Variants in ESRRG observed in about 807,000 individuals in gnomAD.
ESRRG encodes estrogen-related receptor gamma.
A neutral mutation model predicts 44.0 loss-of-function variants in ESRRG; 13 were observed. The ratio of observed to expected loss-of-function variants is 0.30; its 90% CI spans 0.19 to 0.47. The LOEUF is 0.47. ESRRG is among the 20% of genes least tolerant of loss of function. The probability of loss-of-function intolerance (pLI) is 1.00; values close to 1 mark genes in which losing one functional copy is unlikely to be tolerated. For missense variants in ESRRG, 395 were observed against 580.6 expected (o/e 0.68, Z 3.29); for synonymous variants, 215 against 214.6 (o/e 1.00, Z -0.02).
intron 2 of ESRRG, among the ~76,000 whole-genome samples, chr1:216,852,341 G>A (rs1187932037): frequency 6.6e-6 from 1 of 152,128 alleles, no homozygotes; most frequent in Non-Finnish European, 1.5e-5. Context: ...CACAACCAAG[G>A]TGAGCAGGAC....
intron 5 of ESRRG, among the ~76,000 whole-genome samples, chr1:216,556,092 A>G (rs10863252): frequency 0.21 from 32,130 of 152,088 alleles, 4,421 homozygotes; most frequent in Non-Finnish European, 0.3. Flanking sequence ...TATGAATTAT[A>G]CTAATTATGC....
chr1:217,089,360 CTT>C (rs34432067), intron 1 of ESRRG: 4,604 of 141,116 alleles, frequency 0.033, 205 homozygotes, highest in African/African-American at 0.11. Flanking sequence ...GGAGGGGTTG[CTT>C]TTTTTTTTTT....
At chr1:216,579,237 C>A (rs1367229555) in intron 3 of ESRRG, among the ~76,000 whole-genome samples, 1 of 152,076 alleles carries the variant, frequency 6.6e-6, no homozygotes, top group East Asian at 1.9e-4. Context: ...GGATTACAAG[C>A]TAAATATTCA....
chr1:216,735,549 C>T (rs1346487233), intron 2 of ESRRG, among the ~76,000 whole-genome samples: 1 of 152,090 alleles, frequency 6.6e-6, no homozygotes, highest in African/African-American at 2.4e-5. Context: ...ATGGCAAATC[C>T]CTGCCCTGCC....
chr1:216,534,365 T>C (rs1022976030), intron 5 of ESRRG, among the ~76,000 whole-genome samples: 1 of 152,148 alleles, frequency 6.6e-6, no homozygotes, highest in South Asian at 2.1e-4. Context: ...CTAATGTCTA[T>C]TTCAGTAGTG....
chr1:216,834,811 T>C (rs1008973589), intron 2 of ESRRG, among the ~76,000 whole-genome samples: 14 of 152,092 alleles, frequency 9.2e-5, no homozygotes, highest in African/African-American at 3.4e-4. Context: ...CAGGCATAGA[T>C]AGGCTCATGA....
rs536283513 is a variant in ESRRG, at chr1:216,908,629, G to A, written c.-14+30953C>T. ...TAGATTATACCATATGTCTTTGTGA[G>A]AGTCCCCTCAAATCATCTTGGAGTA... On this transcript the variant is annotated intron_variant, in intron 2 of 7. Transcript: ENST00000359162. Among the ~76,000 whole-genome samples the A allele has an allele frequency of 6.5e-4, 99 of 152,168 alleles. 1 individual carries two copies. Among genetic ancestry groups the A allele is most frequent in the African/African-American group, 2.3e-3 (97 of 41,510 alleles).
At chr1:216,837,767 T>C (rs866250554) in intron 2 of ESRRG, among the ~76,000 whole-genome samples, 11 of 152,320 alleles carry the variant, frequency 7.2e-5, no homozygotes, top group African/African-American at 2.6e-4. Flanking sequence ...TGTGGGGAGC[T>C]GTCTTTTGTA....
intron 2 of ESRRG, among the ~76,000 whole-genome samples, chr1:216,886,946 C>T (rs969097785): frequency 6.6e-6 from 1 of 152,104 alleles, no homozygotes; most frequent in East Asian, 1.9e-4. Context: ...CTATGTTGCC[C>T]AGGCTGGTCT....
intron 2 of ESRRG, among the ~76,000 whole-genome samples, chr1:216,773,756 G>C (rs1360351883): frequency 6.6e-6 from 1 of 152,056 alleles, no homozygotes; most frequent in African/African-American, 2.4e-5. Context: ...GGCTACAACA[G>C]ATAAGATGAA....
intron 1 of ESRRG, among the ~76,000 whole-genome samples, chr1:217,002,722 G>C (rs2150676684): frequency 6.6e-6 from 1 of 152,250 alleles, no homozygotes; most frequent in East Asian, 1.9e-4. Flanking sequence ...AACAGCCATT[G>C]TGCCATAAGG....
At chr1:216,608,858 C>T (rs1037705334) in intron 3 of ESRRG, among the ~76,000 whole-genome samples, 4 of 152,184 alleles carry the variant, frequency 2.6e-5, no homozygotes, top group African/African-American at 9.6e-5. Context: ...GTTCACAAAA[C>T]ACCTCTGAAA....
At chr1:216,779,038 G>C (rs1050067380) in intron 2 of ESRRG, among the ~76,000 whole-genome samples, 1 of 145,472 alleles carries the variant, frequency 6.9e-6, no homozygotes, top group African/African-American at 2.6e-5. Context: ...GAACTGTAAA[G>C]ATCCCTTCCT....
chr1:216,773,236 G>GAAGATTGGAATTAT (rs1187265349), intron 2 of ESRRG, among the ~76,000 whole-genome samples: 1 of 152,110 alleles, frequency 6.6e-6, no homozygotes, highest in Non-Finnish European at 1.5e-5. Flanking sequence ...ATTGGAATTA[G>GAAGATTGGAATTAT]AAAATTGGAT....
chr1:216,692,528 A>T (rs537141391), intron 1 of ESRRG, among the ~76,000 whole-genome samples: 1 of 152,324 alleles, frequency 6.6e-6, no homozygotes, highest in South Asian at 2.1e-4. Flanking sequence ...TAAAATCAAA[A>T]AGTTACAGTA....
At chr1:216,617,403 A>C (rs2061561363) in intron 3 of ESRRG, among the ~76,000 whole-genome samples, 1 of 152,130 alleles carries the variant, frequency 6.6e-6, no homozygotes, top group Admixed American at 6.6e-5. Context: ...CTACATAAAT[A>C]GCAGCAGCAA....
chr1:216,528,065 C>A (rs774195179), intron 5 of ESRRG, among the ~76,000 whole-genome samples: 1 of 152,118 alleles, frequency 6.6e-6, no homozygotes, highest in Non-Finnish European at 1.5e-5. Context: ...AATTCCTCAA[C>A]AGCTCATTGA....
rs757174404 is a variant in ESRRG, at chr1:216,507,095, G to A, written c.1221C>T (p.His407=). 1.2e-6 allele frequency: 2 copies of A among 1,613,928 alleles called. No homozygotes were observed. Among genetic ancestry groups the A allele is most frequent in the East Asian group, 4.5e-5 (2 of 44,886 alleles). Reference sequence around the variant, plus strand: ...TGCCAGCTCGACGAGGGTCTTCCATGTGCTGGCCAGCTTCATAATCCTGCA... The same window carrying A: ...TGCCAGCTCGACGAGGGTCTTCCATATGCTGGCCAGCTTCATAATCCTGCA... The part of the protein sequence containing the change: ...EALQDYEAGQ[H]MEDPRRAGKM... Residue 407 remains histidine (H), a synonymous_variant, in exon 7 of 7, where the codon CAC becomes CAT. Coordinates refer to ENST00000408911, the MANE Select transcript of ESRRG (RefSeq NM_001438.4).
At chr1:216,731,895 C>T (rs567787148) in intron 2 of ESRRG, among the ~76,000 whole-genome samples, 24 of 152,074 alleles carry the variant, frequency 1.6e-4, no homozygotes, top group Admixed American at 1.4e-3. Context: ...CAGTTGAATT[C>T]GGAAACTAAA....
Sources: gnomAD v4.1 joint callset for allele counts (sites outside exome capture counted in the v4.1 genomes callset) on GRCh38, gnomAD v4.1.1 for gene constraint, MANE v1.5 for transcripts, NCBI Gene and HGNC (gene_info 2026-07-23, HGNC 2026-07-21) for gene names.